Variants in CNTNAP2 observed in about 807,000 individuals in gnomAD.
The protein encoded by CNTNAP2 is contactin associated protein 2.
A neutral mutation model predicts 155.2 loss-of-function variants in CNTNAP2; 98 were observed. The ratio of observed to expected loss-of-function variants is 0.63; its 90% CI spans 0.54 to 0.75. The LOEUF is 0.75. CNTNAP2 is among the 30% of genes least tolerant of loss of function. The probability of loss-of-function intolerance (pLI) is 0.00; values close to 1 mark genes in which losing one functional copy is unlikely to be tolerated. For missense variants in CNTNAP2, 1,727 were observed against 1,688.1 expected (o/e 1.02, Z -0.40); for synonymous variants, 651 against 631.2 (o/e 1.03, Z -0.47).
At chr7:146,264,557 A>G (rs1563013787) in intron 1 of CNTNAP2, among the ~76,000 whole-genome samples, 1 of 152,226 alleles carries the variant, frequency 6.6e-6, no homozygotes, top group African/African-American at 2.4e-5. Context: ...AGTCTAATAA[A>G]TAGTTGGCAA....
At chr7:147,896,516 CG>C (rs903886087) in intron 13 of CNTNAP2, among the ~76,000 whole-genome samples, 1 of 151,990 alleles carries the variant, frequency 6.6e-6, no homozygotes, top group African/African-American at 2.4e-5. Flanking sequence ...CTTGGCGGGT[CG>C]GGGGGAAGCC....
chr7:147,296,771 G>T (rs981286310), intron 8 of CNTNAP2, among the ~76,000 whole-genome samples: 1 of 152,032 alleles, frequency 6.6e-6, no homozygotes, highest in Admixed American at 6.6e-5. Flanking sequence ...GACAAGTTGG[G>T]GTGGAAAGCC....
chr7:147,597,242 A>C (rs1379412717), intron 12 of CNTNAP2, among the ~76,000 whole-genome samples: 1 of 151,922 alleles, frequency 6.6e-6, no homozygotes, highest in Non-Finnish European at 1.5e-5. Flanking sequence ...CTGGATTGGG[A>C]TCCCTTTCCA....
At chr7:147,125,266 C>T (rs1178448482) in intron 6 of CNTNAP2, among the ~76,000 whole-genome samples, 1 of 152,108 alleles carries the variant, frequency 6.6e-6, no homozygotes, top group African/African-American at 2.4e-5. Flanking sequence ...CTGCCCGCCT[C>T]AGCCTCCCAA....
intron 12 of CNTNAP2, among the ~76,000 whole-genome samples, chr7:147,603,121 A>C (rs1279431950): frequency 6.6e-6 from 1 of 151,242 alleles, no homozygotes; most frequent in East Asian, 2.0e-4. Flanking sequence ...AAGTGTTTCT[A>C]TTTCTCCACA....
Position 147,919,461 on chromosome 7 carries a change from T to TTC in CNTNAP2, c.2255+15741_2255+15742insCT, listed in dbSNP as rs1406060874. Among the ~76,000 whole-genome samples the TTC allele has an allele frequency of 3.8e-4, 22 of 57,328 alleles. 4 individuals are homozygous for TTC. Among genetic ancestry groups the TTC allele is most frequent in the African/African-American group, 1.4e-3 (14 of 9,828 alleles). The allele number at this position is 57,328 out of a possible 152,430, so 37.6% of individuals were successfully genotyped here. A position where few individuals can be genotyped will look rare whatever the true frequency, so the allele number is the denominator to read the frequency against. ...CCATGTCTGGCTACTTTTTCTTTCT[T>TTC]TTTTTTTTTTTTTTTGAGACAGAGT... On this transcript the variant is annotated intron_variant, in intron 14 of 23. Transcript: ENST00000361727.
chr7:147,301,390 C>G (rs1027677727), intron 9 of CNTNAP2, among the ~76,000 whole-genome samples: 1 of 151,992 alleles, frequency 6.6e-6, no homozygotes, highest in African/African-American at 2.4e-5. Flanking sequence ...ATCAATACAT[C>G]TTTTATTAGA....
At chr7:148,078,775 C>T (rs1585114346) in intron 15 of CNTNAP2, among the ~76,000 whole-genome samples, 1 of 152,136 alleles carries the variant, frequency 6.6e-6, no homozygotes, top group South Asian at 2.1e-4. Flanking sequence ...GCCATCATGC[C>T]CAGCCTGAGA....
intron 1 of CNTNAP2, chr7:146,117,449 C>G (rs1797502312): frequency 6.5e-6 from 1 of 154,080 alleles, no homozygotes; most frequent in Non-Finnish European, 1.4e-5. Context: ...TCTCTTTAAC[C>G]TCTCCCGTTC....
intron 4 of CNTNAP2, among the ~76,000 whole-genome samples, chr7:147,092,307 T>C (rs1209034835): frequency 4.6e-5 from 7 of 152,232 alleles, no homozygotes; most frequent in Non-Finnish European, 7.3e-5. Context: ...GAATTCAAAA[T>C]AATTTCCTTC....
intron 16 of CNTNAP2, among the ~76,000 whole-genome samples, chr7:148,142,541 C>A (rs762369275): frequency 1.3e-5 from 2 of 152,160 alleles, no homozygotes; most frequent in Admixed American, 1.3e-4. Flanking sequence ...TGCCACCCCT[C>A]GAACCTTATT....
intron 1 of CNTNAP2, among the ~76,000 whole-genome samples, chr7:146,675,252 G>GT (rs899098710): frequency 2.0e-5 from 3 of 152,216 alleles, no homozygotes; most frequent in Non-Finnish European, 4.4e-5. Context: ...TTCTCCCGCT[G>GT]TTTTTTCCCC....
At position 146,318,633 on chromosome 7, in the gene CNTNAP2, T is replaced by C. The variant is rs143966956; in HGVS notation, c.97+201660T>C. On this transcript the variant is annotated intron_variant, in intron 1 of 23. Transcript: ENST00000361727. The stretch of plus-strand genomic sequence containing the variant: ...ACACCTTAAGCAAAATGCAGGTATA[T>C]GTAAAAGAAACAGATCTTGTTTCAA... Among the ~76,000 whole-genome samples, 233 of 152,176 alleles carry C rather than the reference T, an allele frequency of 1.5e-3. 4 individuals carry two copies. The East Asian group carries it at 0.018, about 12-fold the overall frequency.
intron 9 of CNTNAP2, among the ~76,000 whole-genome samples, chr7:147,368,020 CCTCCCCCT>C (rs1436884134): frequency 1.1e-5 from 1 of 87,220 alleles, no homozygotes; most frequent in African/African-American, 6.1e-5. Flanking sequence ...CTCTCCCCCC[CCTCCCCCT>C]CCTCCTCTGT....
intron 10 of CNTNAP2, among the ~76,000 whole-genome samples, chr7:147,432,319 T>A (rs1471946592): frequency 6.6e-5 from 10 of 152,230 alleles, no homozygotes; most frequent in Admixed American, 3.3e-4. Flanking sequence ...AAATAGCTCT[T>A]GGGAGGGATA....
chr7:147,886,692 A>G (rs1799606210), intron 13 of CNTNAP2, among the ~76,000 whole-genome samples: 2 of 152,000 alleles, frequency 1.3e-5, no homozygotes, highest in South Asian at 4.2e-4. Context: ...GAGGCACTAC[A>G]TATCAGTGGC....
chr7:146,345,972 T>C (rs1013770280), intron 1 of CNTNAP2, among the ~76,000 whole-genome samples: 22 of 152,124 alleles, frequency 1.4e-4, no homozygotes, highest in African/African-American at 4.8e-4. Context: ...ATTGAGTGCT[T>C]ATTAAGACCT....
At chr7:147,020,167 A>AAGG (rs1798795104) in intron 3 of CNTNAP2, among the ~76,000 whole-genome samples, 2 of 152,172 alleles carry the variant, frequency 1.3e-5, no homozygotes, top group African/African-American at 4.8e-5. Flanking sequence ...AGATGATCCC[A>AAGG]AATCCTAGGA....
intron 1 of CNTNAP2, among the ~76,000 whole-genome samples, chr7:146,502,077 A>G (rs1289790168): frequency 1.3e-5 from 2 of 151,850 alleles, no homozygotes; most frequent in Non-Finnish European, 2.9e-5. Flanking sequence ...TTAGCATTAT[A>G]TATGAGTGAG....
Sources: gnomAD v4.1 joint callset for allele counts (sites outside exome capture counted in the v4.1 genomes callset) on GRCh38, gnomAD v4.1.1 for gene constraint, MANE v1.5 for transcripts, NCBI Gene and HGNC (gene_info 2026-07-23, HGNC 2026-07-21) for gene names.